The following SETSIP variants were observed in gnomAD, a reference collection of about 807,000 sequenced individuals.
SETSIP encodes the protein SET like protein, also known as protein SETSIP.
In SETSIP, 15 loss-of-function variants were observed where a neutral mutation model predicts 21.9. The observed-to-expected ratio is 0.69, with a 90% CI of 0.46 to 1.06. The LOEUF is 1.06. Ranked by LOEUF, SETSIP falls within the 50% of genes least tolerant of loss-of-function variation. The pLI is 0.00. For missense variants in SETSIP, 310 were observed against 337.4 expected, an observed-to-expected ratio of 0.92 and a Z score of 0.64; for synonymous variants, 101 against 121.2, an observed-to-expected ratio of 0.83 and a Z score of 1.09.
At position 92,074,798 on chromosome 1, in the gene SETSIP, C is replaced by T; in HGVS notation, c.614G>A (p.Trp205Ter). 1 of 1,611,298 alleles carries T rather than the reference C, an allele frequency of 6.2e-7. No individual in the cohort carries two copies. The highest frequency in any genetic ancestry group is 1.1e-5 in the South Asian group (1 of 90,970). The change falls in exon 1 of 1, where the codon TGG (tryptophan) becomes TAG (stop). Residue 205 changes from tryptophan to a stop codon, truncating the protein, a stop_gained. Transcript: ENST00000596516. LOFTEE classifies it high-confidence loss of function. ...ACCTGCATCAGAATGATCAGTAAACCAGGTAAAGAAGCTCTCTGGTTCCTC... is the reference window on the plus strand; with the variant it reads ...ACCTGCATCAGAATGATCAGTAAACTAGGTAAAGAAGCTCTCTGGTTCCTC...
rs1647795855 is a variant in SETSIP at position 92,074,567 on chromosome 1, TC to T, written c.844del (p.Glu282ArgfsTer?). ...TTCTCCTTCATCCTCCTCTCCTTCCTCCCCTTCATCATCATCTTCATCTTCT... is the reference window on the plus strand; with the variant it reads ...TTCTCCTTCATCCTCCTCTCCTTCCTCCCTTCATCATCATCTTCATCTTCT... On this transcript the variant is annotated frameshift_variant, in exon 1 of 1. Transcript: ENST00000596516. LOFTEE classifies it high-confidence loss of function. 6.4e-7 allele frequency: 1 copy of T among 1,573,524 alleles called. No individual in the cohort carries two copies. The highest frequency in any genetic ancestry group is 1.4e-5 in the African/African-American group (1 of 73,044).
rs1237851456 is a variant in SETSIP, at chr1:92,074,868, G to GT, written c.543dup (p.Arg182ThrfsTer8). On this transcript the variant is annotated frameshift_variant, in exon 1 of 1. Coordinates refer to ENST00000596516, the Ensembl canonical transcript of SETSIP. LOFTEE classifies it high-confidence loss of function. Reference sequence around the variant, plus strand: ...GCTTTATTCTGCGTTTGACTTGAACGTTTCGTCACATCCTTTCCAGATTTC... The same window carrying GT: ...GCTTTATTCTGCGTTTGACTTGAACGTTTTCGTCACATCCTTTCCAGATTTC... 9 of 1,611,412 alleles carry GT rather than the reference G, an allele frequency of 5.6e-6. No homozygotes were observed. In the African/African-American group the frequency reaches 1.2e-4, roughly 22 times the overall value.
At chr1:92,074,929 A>T in exon 1 of SETSIP, 1 of 1,611,602 alleles carries the variant, frequency 6.2e-7, no homozygotes, top group Non-Finnish European at 8.5e-7. Flanking sequence ...ATGGATCACC[A>T]CTCTCATTCA....
exon 1 of SETSIP, chr1:92,075,331 T>G (rs1381216608): frequency 6.2e-7 from 1 of 1,611,642 alleles, no homozygotes; most frequent in Non-Finnish European, 8.5e-7. Flanking sequence ...CAGAGGCCGA[T>G]GTCTCCTCCA....
At chr1:92,074,594 T>C (rs2101882006) in exon 1 of SETSIP, 1 of 1,565,020 alleles carries the variant, frequency 6.4e-7, no homozygotes, top group South Asian at 1.2e-5. Context: ...TTCATCTTCT[T>C]CACCTTCATC....
Position 92,074,859 on chromosome 1 carries a change from G to C in SETSIP, c.553C>G (p.Gln185Glu). The change falls in exon 1 of 1, where the codon CAA (glutamine) becomes GAA (glutamate). Residue 185 changes from glutamine to glutamate, a missense_variant. Gln to Glu is a conservative substitution (Grantham distance 29). Coordinates refer to ENST00000596516, the Ensembl canonical transcript of SETSIP. ...TTCCTGCTGGCTTTATTCTGCGTTTGACTTGAACGTTTCGTCACATCCTTT... is the reference window on the plus strand; with the variant it reads ...TTCCTGCTGGCTTTATTCTGCGTTTCACTTGAACGTTTCGTCACATCCTTT... 3.1e-6 allele frequency: 5 copies of C among 1,611,552 alleles called. No individual in the cohort carries two copies. The South Asian group carries it at 5.5e-5, about 18-fold the overall frequency.
At chr1:92,075,129 C>T (rs1422991863) in exon 1 of SETSIP, 23 of 1,611,820 alleles carry the variant, frequency 1.4e-5, no homozygotes, top group East Asian at 4.5e-5. Context: ...GTTGTTACCC[C>T]AAAATTTGGG....
rs1647815139 is a variant in SETSIP, at chr1:92,075,325, G to A, written c.87C>T (p.Ala29=). 7 of 1,611,766 alleles carry A rather than the reference G, an allele frequency of 4.3e-6. No homozygotes were observed. The East Asian group carries it at 1.3e-4, about 31-fold the overall frequency. The change falls in exon 1 of 1, where the codon GCC becomes GCT. Residue 29 remains alanine (A), a synonymous_variant. Transcript: ENST00000596516. Reference sequence around the variant, plus strand: ...CTCCCTTCTTCGGCAAGCCTGCAGAGGCCGATGTCTCCTCCAGTCCCAGAG... The same window carrying A: ...CTCCCTTCTTCGGCAAGCCTGCAGAAGCCGATGTCTCCTCCAGTCCCAGAG...
chr1:92,075,043 A>T, exon 1 of SETSIP: 17 of 1,611,918 alleles, frequency 1.1e-5, no homozygotes, highest in Non-Finnish European at 1.4e-5. Context: ...CTGTCACTTC[A>T]ACTTTAGTCA....
exon 1 of SETSIP, chr1:92,074,815 T>A: frequency 6.2e-7 from 1 of 1,611,612 alleles, no homozygotes; most frequent in Non-Finnish European, 8.5e-7. Flanking sequence ...AGAAGCTCTC[T>A]GGTTCCTCAT....
exon 1 of SETSIP, chr1:92,075,126 C>T: frequency 3.1e-6 from 5 of 1,611,856 alleles, no homozygotes; most frequent in Non-Finnish European, 4.2e-6. Flanking sequence ...AATGTTGTTA[C>T]CCCAAAATTT....
chr1:92,075,329 G>A lies in SETSIP; in HGVS notation c.83C>T (p.Ser28Leu), dbSNP rs61781591. 7.7e-3 allele frequency: 12,353 copies of A among 1,611,524 alleles called. 71 individuals carry two copies. Among genetic ancestry groups the A allele is most frequent in the Non-Finnish European group, 8.3e-3 (9,803 of 1,179,704 alleles). ...CTTCTTCGGCAAGCCTGCAGAGGCC[G>A]ATGTCTCCTCCAGTCCCAGAGCAGG... The change falls in exon 1 of 1, where the codon TCG (serine) becomes TTG (leucine). Residue 28 changes from serine (S) to leucine (L), a missense_variant. Physicochemically the swap from Ser to Leu is moderately radical, Grantham distance 145 (BLOSUM62 -2). Transcript: ENST00000596516.
rs572000036 is a variant in SETSIP at position 92,074,605 on chromosome 1, C to T, written c.807G>A (p.Glu269=). The change falls in exon 1 of 1, where the codon GAG becomes GAA. Residue 269 remains glutamate, a synonymous_variant. Coordinates refer to ENST00000596516, the Ensembl canonical transcript of SETSIP. ...CATCTTCATCTTCTTCACCTTCATC[C>T]TCATCCCCTTCATCAATATCTTCTA... The T allele has an allele frequency of 1.0e-5, 16 of 1,567,202 alleles. No homozygotes were observed. The African/African-American group carries it at 2.0e-4, about 20-fold the overall frequency.
exon 1 of SETSIP, chr1:92,074,713 G>A (rs1647803425): frequency 6.2e-7 from 1 of 1,603,436 alleles, no homozygotes; most frequent in Non-Finnish European, 8.5e-7. Flanking sequence ...CAGGAACCAA[G>A]TAATACTGTA....
rs575728655 is a variant in SETSIP, at chr1:92,074,705, G to A, written c.707C>T (p.Pro236Leu). The A allele has an allele frequency of 8.8e-6, 14 of 1,599,582 alleles. No individual in the cohort carries two copies. The South Asian group carries it at 1.6e-4, about 18-fold the overall frequency. The change falls in exon 1 of 1, where the codon CCT becomes CTT. Residue 236 changes from proline (P) to leucine (L), a missense_variant. Coordinates refer to ENST00000596516, the Ensembl canonical transcript of SETSIP. The stretch of plus-strand genomic sequence containing the variant: ...TCCTCCTTCTTCATCATCCATATCA[G>A]GAACCAAGTAATACTGTAATGGGTT...
At position 92,075,157 on chromosome 1, in the gene SETSIP, T is replaced by C; in HGVS notation, c.255A>G (p.Ser85=). The stretch of plus-strand genomic sequence containing the variant: ...AATTTGGGATTTTGGCGATCAATTC[T>C]GACCTCTTCTGAAAAAATGGTTGGC... The change falls in exon 1 of 1, where the codon TCA becomes TCG. Residue 85 remains serine (S), a synonymous_variant. Coordinates refer to ENST00000596516, the Ensembl canonical transcript of SETSIP. 1.2e-6 allele frequency: 2 copies of C among 1,611,874 alleles called. 1 individual carries two copies. Among genetic ancestry groups the C allele is most frequent in the South Asian group, 2.2e-5 (2 of 90,978 alleles).
exon 1 of SETSIP, chr1:92,075,134 T>G: frequency 6.2e-7 from 1 of 1,611,892 alleles, no homozygotes; most frequent in Non-Finnish European, 8.5e-7. Context: ...TACCCCAAAA[T>G]TTGGGATTTT....
chr1:92,074,710 C>A (rs1557890703), exon 1 of SETSIP: 2 of 1,600,930 alleles, frequency 1.2e-6, no homozygotes, highest in East Asian at 4.5e-5. Context: ...TATCAGGAAC[C>A]AAGTAATACT....
chr1:92,075,027 C>T (rs1452443480), exon 1 of SETSIP: 35 of 1,611,734 alleles, frequency 2.2e-5, no homozygotes, highest in Non-Finnish European at 3.0e-5. Flanking sequence ...TTAATATCTT[C>T]AAATTCTGTC....
Sources: gnomAD v4.1 joint callset for allele counts on GRCh38, gnomAD v4.1.1 for gene constraint, MANE v1.5 for transcripts, NCBI Gene and HGNC (gene_info 2026-07-23, HGNC 2026-07-21) for gene names.